KCNK2: variants seen among roughly 807,000 people sequenced by gnomAD.
KCNK2 encodes potassium two pore domain channel subfamily K member 2.
Under a neutral mutation model 40.5 loss-of-function variants are expected in KCNK2, and 21 were observed. The ratio of observed to expected loss-of-function variants is 0.52; its 90% CI spans 0.37 to 0.75. KCNK2 has a LOEUF of 0.75. Among genes scored for constraint, KCNK2 ranks in the 30% least tolerant of loss-of-function variants. The pLI is 0.00. For synonymous variants in KCNK2, 191 were observed against 202.2 expected, an observed-to-expected ratio of 0.94 and a Z score of 0.47; for missense variants, 399 against 531.6, an observed-to-expected ratio of 0.75 and a Z score of 2.45.
chr1:215,101,984 A>AT (rs1285469574), intron 2 of KCNK2, among the ~76,000 whole-genome samples: 2 of 152,082 alleles, frequency 1.3e-5, no homozygotes, highest in Non-Finnish European at 2.9e-5. Context: ...TATTTTTAAA[A>AT]TTTTTTGAGT....
intron 6 of KCNK2, among the ~76,000 whole-genome samples, chr1:215,199,991 C>G (rs920757064): frequency 6.6e-6 from 1 of 152,156 alleles, no homozygotes; most frequent in Admixed American, 6.5e-5. Flanking sequence ...AGATAAACAC[C>G]ACTGCGGCCC....
chr1:215,230,586 AAT>A (rs67678689), intron 6 of KCNK2, among the ~76,000 whole-genome samples: 62,896 of 121,624 alleles, frequency 0.52, 16,876 homozygotes, highest in East Asian at 0.58. Context: ...ACAAGACCGT[AAT>A]ATATATATAT....
At chr1:215,079,332 G>A (rs1659060543), upstream of KCNK2, among the ~76,000 whole-genome samples, 2 of 152,086 alleles carry the variant, frequency 1.3e-5, no homozygotes, top group African/African-American at 4.8e-5. Flanking sequence ...AGTTCTTCAG[G>A]CTGTACAGGC....
At chr1:215,147,798 G>A (rs1662493017) in intron 3 of KCNK2, among the ~76,000 whole-genome samples, 1 of 151,996 alleles carries the variant, frequency 6.6e-6, no homozygotes, top group African/African-American at 2.4e-5. Flanking sequence ...TTGCACCATT[G>A]CACTCCAGCC....
chr1:215,176,791 A>G (rs1251191004), intron 5 of KCNK2, among the ~76,000 whole-genome samples: 2 of 152,180 alleles, frequency 1.3e-5, no homozygotes, highest in Non-Finnish European at 2.9e-5. Context: ...TAGTGCTGCA[A>G]TGAACATATG....
chr1:215,156,114 T>C (rs1662910904), intron 3 of KCNK2, among the ~76,000 whole-genome samples: 1 of 152,070 alleles, frequency 6.6e-6, no homozygotes. Context: ...AATCAGTCTC[T>C]ACACTCACGG....
intron 4 of KCNK2, among the ~76,000 whole-genome samples, chr1:215,170,439 A>T (rs1422227245): frequency 1.3e-5 from 2 of 152,158 alleles, no homozygotes; most frequent in Admixed American, 1.3e-4. Flanking sequence ...AGAGGGTGGG[A>T]TTATAAAGGA....
At chr1:215,056,608 G>A (rs10864145) in intron 1 of KCNK2, among the ~76,000 whole-genome samples, 129,879 of 130,026 alleles carry the variant, frequency 1, 64,866 homozygotes, top group Middle Eastern at 1. Flanking sequence ...AAAGGATTGT[G>A]TCCACTCTTT....
chr1:215,029,592 G>GATATATTTAATATATTAAT (rs1330647164), intron 1 of KCNK2, among the ~76,000 whole-genome samples: 2 of 144,578 alleles, frequency 1.4e-5, no homozygotes, highest in Admixed American at 6.9e-5. Flanking sequence ...ATAAATATTT[G>GATATATTTAATATATTAAT]ATATATTTAA....
intron 1 of KCNK2, among the ~76,000 whole-genome samples, chr1:215,045,362 G>C (rs1396434385): frequency 6.6e-6 from 1 of 152,186 alleles, no homozygotes; most frequent in Non-Finnish European, 1.5e-5. Flanking sequence ...GGTGTAATTT[G>C]TCTGGGTCTT....
At chr1:215,177,035 C>G (rs1206148914) in intron 5 of KCNK2, among the ~76,000 whole-genome samples, 1 of 152,250 alleles carries the variant, frequency 6.6e-6, no homozygotes. Flanking sequence ...GTCATTCTGA[C>G]TGGCATGGAA....
rs767240406 is a variant in KCNK2 at position 215,194,966 on chromosome 1, T to G, written c.837T>G (p.Ile279Met). ...TTTTGTCTCCAGGTGGATCCGATAT[T>G]GAATATCTGGACTTCTATAAGCCTG... ...FGDYVAGGSD[I>M]EYLDFYKPVV... Residue 279 changes from isoleucine (I) to methionine (M), a missense_variant, in exon 6 of 7, where the codon ATT (isoleucine) becomes ATG (methionine). Physicochemically the swap from Ile to Met is conservative, Grantham distance 10. Coordinates refer to ENST00000444842, the MANE Select transcript of KCNK2 (RefSeq NM_001017425.3). 6.2e-7 allele frequency: 1 copy of G among 1,613,450 alleles called. No individual in the cohort carries two copies. The highest frequency in any genetic ancestry group is 1.1e-5 in the South Asian group (1 of 91,048).
intron 1 of KCNK2, among the ~76,000 whole-genome samples, chr1:215,046,447 A>C (rs937209490): frequency 1.3e-5 from 2 of 152,096 alleles, no homozygotes; most frequent in African/African-American, 4.8e-5. Flanking sequence ...GTATTTAAGC[A>C]TATAGAACTT....
At chr1:215,177,741 T>TGTGTATATATATATATATATATATA (rs1553270860) in intron 5 of KCNK2, among the ~76,000 whole-genome samples, 7 of 20,614 alleles carry the variant, frequency 3.4e-4, no homozygotes, top group African/African-American at 1.2e-3. Flanking sequence ...TATATATATA[T>TGTGTATATATATATATATATATATA]TTTTTTTTTT....
chr1:215,038,257 T>G (rs2841576), intron 1 of KCNK2, among the ~76,000 whole-genome samples: 129,509 of 152,030 alleles, frequency 0.85, 55,445 homozygotes, highest in East Asian at 0.99. Flanking sequence ...TCCTCATTCA[T>G]TTCCTTGCCT....
chr1:215,093,853 A>G (rs1372169770), intron 2 of KCNK2, among the ~76,000 whole-genome samples: 2 of 81,470 alleles, frequency 2.5e-5, no homozygotes, highest in African/African-American at 9.5e-5. Flanking sequence ...TATATTATAT[A>G]TTATATATAA....
chr1:215,215,064 C>T (rs6672526), intron 6 of KCNK2, among the ~76,000 whole-genome samples: 148,687 of 152,308 alleles, frequency 0.98, 72,682 homozygotes, highest in East Asian at 1. Flanking sequence ...AGAGAGAAAC[C>T]TGGGAATAGT....
At chr1:215,093,868 A>G (rs1300150384) in intron 2 of KCNK2, among the ~76,000 whole-genome samples, 1 of 96,932 alleles carries the variant, frequency 1.0e-5, no homozygotes, top group Non-Finnish European at 1.9e-5. Flanking sequence ...ATATAAAAAT[A>G]TATTATATAT....
At chr1:215,016,673 G>C (rs2601614) in intron 1 of KCNK2, among the ~76,000 whole-genome samples, 85,149 of 152,012 alleles carry the variant, frequency 0.56, 25,532 homozygotes, top group South Asian at 0.78. Context: ...TGGGAAAACT[G>C]CATGACATTG....
Sources: gnomAD v4.1 joint callset for allele counts (sites outside exome capture counted in the v4.1 genomes callset) on GRCh38, gnomAD v4.1.1 for gene constraint, MANE v1.5 for transcripts, NCBI Gene and HGNC (gene_info 2026-07-23, HGNC 2026-07-21) for gene names.